Variants in XKR6 observed in about 807,000 individuals in gnomAD.
XKR6 encodes the protein XK-related protein 6.
A neutral mutation model predicts 56.7 loss-of-function variants in XKR6; 22 were observed. The ratio of observed to expected loss-of-function variants is 0.39; its 90% CI spans 0.28 to 0.55. The LOEUF is 0.55. Among genes scored for constraint, XKR6 ranks in the 20% least tolerant of loss-of-function variants. XKR6 has a pLI of 0.66. For synonymous variants in XKR6, 524 were observed against 387.8 expected, an observed-to-expected ratio of 1.35 and a Z score of -4.13; for missense variants, 852 against 889.0, an observed-to-expected ratio of 0.96 and a Z score of 0.53.
chr8:10,975,327 G>A (rs1210196056), intron 1 of XKR6, among the ~76,000 whole-genome samples: 1 of 152,346 alleles, frequency 6.6e-6, no homozygotes, highest in East Asian at 1.9e-4. Flanking sequence ...AAAGAACACA[G>A]TGCATTGAGG....
intron 2 of XKR6, among the ~76,000 whole-genome samples, chr8:10,900,340 A>T (rs932901921): frequency 6.6e-6 from 1 of 151,318 alleles, no homozygotes; most frequent in Non-Finnish European, 1.5e-5. Flanking sequence ...ACTCCCCACA[A>T]CTCTCCGAAG....
intron 1 of XKR6, among the ~76,000 whole-genome samples, chr8:10,978,519 T>G (rs1485812419): frequency 2.0e-5 from 3 of 152,148 alleles, no homozygotes; most frequent in Non-Finnish European, 2.9e-5. Flanking sequence ...ACAGGTGTAT[T>G]TTATCACTTG....
At chr8:11,145,689 C>T (rs962286670) in intron 1 of XKR6, among the ~76,000 whole-genome samples, 2 of 152,012 alleles carry the variant, frequency 1.3e-5, no homozygotes, top group African/African-American at 4.8e-5. Context: ...AACATAATTG[C>T]TAAGAGAAAT....
chr8:11,130,635 T>C (rs1800059616), intron 1 of XKR6, among the ~76,000 whole-genome samples: 1 of 150,292 alleles, frequency 6.7e-6, no homozygotes, highest in African/African-American at 2.4e-5. Flanking sequence ...TTAAGTTAAC[T>C]ATCCCCACCT....
chr8:11,128,843 T>A (rs1280530402), intron 1 of XKR6: 1 of 456,754 alleles, frequency 2.2e-6, no homozygotes, highest in African/African-American at 2.0e-5. Flanking sequence ...CCTTACCACC[T>A]CCACTGTCAC....
intron 1 of XKR6, among the ~76,000 whole-genome samples, chr8:11,082,139 T>G (rs965174827): frequency 2.6e-5 from 4 of 152,328 alleles, no homozygotes; most frequent in Middle Eastern, 3.4e-3. Context: ...AGCTGTGACC[T>G]GGGCAGAGGA....
intron 1 of XKR6, among the ~76,000 whole-genome samples, chr8:10,963,674 A>T (rs1802131661): frequency 6.6e-6 from 1 of 151,364 alleles, no homozygotes; most frequent in African/African-American, 2.4e-5. Context: ...CCCAACCTGT[A>T]GCTGGGACCA....
intron 1 of XKR6, among the ~76,000 whole-genome samples, chr8:11,187,652 G>T (rs7819412): frequency 1.3e-5 from 2 of 151,942 alleles, no homozygotes; most frequent in Non-Finnish European, 2.9e-5. Flanking sequence ...AGAAAAATCA[G>T]TCATATCAAA....
At chr8:11,165,801 G>A (rs1440673398) in intron 1 of XKR6, among the ~76,000 whole-genome samples, 1 of 152,056 alleles carries the variant, frequency 6.6e-6, no homozygotes, top group Non-Finnish European at 1.5e-5. Flanking sequence ...ATCATTTCTA[G>A]CTCACGTACA....
intron 1 of XKR6, among the ~76,000 whole-genome samples, chr8:10,926,791 T>G (rs1800897671): frequency 6.6e-6 from 1 of 152,220 alleles, no homozygotes; most frequent in African/African-American, 2.4e-5. Flanking sequence ...CACTAGGTGT[T>G]GCCTTGCTCT....
chr8:11,116,774 C>G (rs1297946524), intron 1 of XKR6, among the ~76,000 whole-genome samples: 1 of 152,192 alleles, frequency 6.6e-6, no homozygotes, highest in Non-Finnish European at 1.5e-5. Context: ...ATCCATGCCA[C>G]AGTCACAGCT....
At chr8:10,982,622 G>A (rs1270008280) in intron 1 of XKR6, among the ~76,000 whole-genome samples, 1 of 152,176 alleles carries the variant, frequency 6.6e-6, no homozygotes, top group African/African-American at 2.4e-5. Context: ...AGAAGTCCGG[G>A]AGATATCTTC....
chr8:10,963,516 G>A (rs996771609), intron 1 of XKR6, among the ~76,000 whole-genome samples: 13 of 150,466 alleles, frequency 8.6e-5, no homozygotes, highest in Admixed American at 2.0e-4. Flanking sequence ...ACAGTGCCTC[G>A]AACAGGGCCT....
At chr8:11,184,314 A>G (rs961627459) in intron 1 of XKR6, among the ~76,000 whole-genome samples, 2 of 152,094 alleles carry the variant, frequency 1.3e-5, no homozygotes, top group African/African-American at 4.8e-5. Context: ...TGGTGGAGAT[A>G]CTATGTAAAG....
At chr8:10,984,695 GCTCT>G (rs61138077) in intron 1 of XKR6, among the ~76,000 whole-genome samples, 1,045 of 56,286 alleles carry the variant, frequency 0.019, 24 homozygotes, top group South Asian at 0.028. Flanking sequence ...AAAATACATG[GCTCT>G]CTCTCTCTCT....
intron 1 of XKR6, among the ~76,000 whole-genome samples, chr8:11,097,094 G>A (rs1798285473): frequency 1.3e-5 from 2 of 152,288 alleles, no homozygotes; most frequent in East Asian, 3.9e-4. Context: ...CTCAGAGATA[G>A]TCAAGTAAGT....
intron 1 of XKR6, among the ~76,000 whole-genome samples, chr8:11,090,797 A>G (rs577801750): frequency 2.0e-5 from 3 of 152,158 alleles, no homozygotes; most frequent in Admixed American, 1.3e-4. Context: ...TGTTGGTTCT[A>G]TGTCCTGCAA....
At chr8:11,153,996 C>G (rs1055712127) in intron 1 of XKR6, among the ~76,000 whole-genome samples, 2 of 152,204 alleles carry the variant, frequency 1.3e-5, no homozygotes, top group Admixed American at 6.5e-5. Flanking sequence ...CAACATAAAA[C>G]TCACTGCAAT....
chr8:11,091,179 C>G (rs1407477645), intron 1 of XKR6, among the ~76,000 whole-genome samples: 1 of 152,092 alleles, frequency 6.6e-6, no homozygotes, highest in Non-Finnish European at 1.5e-5. Context: ...ACCTGTAATC[C>G]CAGCACTTGG....
Sources: allele counts gnomAD v4.1 joint callset (sites outside exome capture counted in the v4.1 genomes callset), GRCh38; gene constraint gnomAD v4.1.1; transcripts MANE v1.5; gene names NCBI Gene and HGNC (gene_info 2026-07-23, HGNC 2026-07-21).